Variants in MTBP observed in about 807,000 individuals in gnomAD.
MTBP encodes MDM2 binding protein, also known as mdm2-binding protein.
In MTBP, 101 loss-of-function variants were observed where a neutral mutation model predicts 117.0. The ratio of observed to expected loss-of-function variants is 0.86; its 90% confidence interval spans 0.73 to 1.02. The LOEUF (loss-of-function observed/expected upper bound fraction) is 1.02, where lower values mean the gene tolerates loss of function less well. MTBP is among the 50% of genes least tolerant of loss of function. The pLI is 0.00. For synonymous variants in MTBP, 350 were observed against 351.5 expected, an observed-to-expected ratio of 1.00 and a Z score of 0.05; for missense variants, 970 against 1,030.9, an observed-to-expected ratio of 0.94 and a Z score of 0.81.
Position 120,509,958 on chromosome 8 carries a change from A to C in MTBP, c.1908A>C (p.Pro636=), listed in dbSNP as rs750074916. ...QKGEKTFVLT[P]ELSPGKLQVL... ...GGGAAAAGACTTTTGTTTTGACACC[A>C]GAACTTAGTCCTGGGAAACTTCAGG... Residue 636 remains proline, a synonymous_variant, in exon 17 of 22, where the codon CCA becomes CCC. Coordinates refer to ENST00000305949, the MANE Select transcript of MTBP (RefSeq NM_022045.5). 1 of 1,611,922 alleles carries C rather than the reference A, an allele frequency of 6.2e-7. No homozygotes were observed.
At chr8:120,475,186 T>C (rs756566762) in intron 11 of MTBP, among the ~76,000 whole-genome samples, 21 of 151,910 alleles carry the variant, frequency 1.4e-4, no homozygotes, top group Non-Finnish European at 2.7e-4. Context: ...TTTTTCTCTT[T>C]TAGGACCTTT....
At chr8:120,466,211 CTTTT>C (rs33994178) in intron 10 of MTBP, among the ~76,000 whole-genome samples, 54 of 128,084 alleles carry the variant, frequency 4.2e-4, no homozygotes, top group Admixed American at 6.3e-4. Context: ...GTTTTTTACT[CTTTT>C]TTTTTTTTTT....
intron 13 of MTBP, among the ~76,000 whole-genome samples, chr8:120,495,541 A>G (rs1483073161): frequency 6.6e-6 from 1 of 150,612 alleles, no homozygotes; most frequent in Non-Finnish European, 1.5e-5. Flanking sequence ...TCTTCCTCCC[A>G]TTCTCTCTCT....
Position 120,523,366 on chromosome 8 carries a change from A to G in MTBP, c.*30A>G, listed in dbSNP as rs1161719633. 3 of 1,388,066 alleles carry G rather than the reference A, an allele frequency of 2.2e-6. No homozygotes were observed. The highest frequency in any genetic ancestry group is 3.0e-6 in the Non-Finnish European group (3 of 1,010,318). The allele number at this position is 1,388,066 out of a possible 1,614,324, so 86.0% of individuals were successfully genotyped here. On this transcript the variant is annotated 3_prime_UTR_variant, in exon 22 of 22. Transcript: ENST00000305949. ...TAATCATTCTCTTTAAGACAATTAT[A>G]AATTGGATGGAGCTATTATTCACTA...
At chr8:120,473,885 A>G (rs564509387) in intron 11 of MTBP, 67 of 152,220 alleles carry the variant, frequency 4.4e-4, no homozygotes, top group African/African-American at 1.4e-3. Context: ...ATATGTAGAC[A>G]TATGCAATCA....
At chr8:120,454,193 C>T (rs769504405) in intron 5 of MTBP, among the ~76,000 whole-genome samples, 1 of 152,106 alleles carries the variant, frequency 6.6e-6, no homozygotes, top group African/African-American at 2.4e-5. Flanking sequence ...CTTCCTGCTA[C>T]AGACTGTTGC....
chr8:120,468,574 T>C (rs1813748096), intron 10 of MTBP, among the ~76,000 whole-genome samples: 1 of 152,180 alleles, frequency 6.6e-6, no homozygotes, highest in Non-Finnish European at 1.5e-5. Flanking sequence ...GTGAATATGA[T>C]GGATGAGGCA....
Position 120,518,692 on chromosome 8 carries a change from G to A in MTBP, c.2497-12G>A. 1 of 1,547,556 alleles carries A rather than the reference G, an allele frequency of 6.5e-7. No individual in the cohort carries two copies. The highest frequency in any genetic ancestry group is 8.9e-7 in the Non-Finnish European group (1 of 1,125,450). On this transcript the variant is annotated splice_polypyrimidine_tract_variant and intron_variant, in intron 19 of 21. Coordinates refer to ENST00000305949, the MANE Select transcript of MTBP (RefSeq NM_022045.5). The stretch of plus-strand genomic sequence containing the variant: ...CCAAGAAATATTCGTCATATGTTAT[G>A]TTCTGTTCAAGATACTGAAAGAAGT...
chr8:120,522,817 TG>T (rs1219136996), intron 21 of MTBP, 98 bp downstream of exon 21: 1 of 853,574 alleles, frequency 1.2e-6, no homozygotes, highest in African/African-American at 1.7e-5. Flanking sequence ...AATCAGTTAC[TG>T]GTCTTTTTCA....
At chr8:120,467,059 C>T (rs940378853) in intron 10 of MTBP, among the ~76,000 whole-genome samples, 2 of 152,144 alleles carry the variant, frequency 1.3e-5, no homozygotes, top group Non-Finnish European at 1.5e-5. Context: ...CTTCAGTCAG[C>T]ATCTTAGCTT....
intron 11 of MTBP, among the ~76,000 whole-genome samples, chr8:120,477,912 C>G (rs1024814932): frequency 2.4e-4 from 37 of 152,114 alleles, no homozygotes; most frequent in African/African-American, 8.9e-4. Context: ...GGCATATACC[C>G]AAAGGATTAT....
chr8:120,462,016 G>T (rs188158751), intron 9 of MTBP, among the ~76,000 whole-genome samples: 1 of 152,184 alleles, frequency 6.6e-6, no homozygotes, highest in East Asian at 1.9e-4. Flanking sequence ...AGAACTGTTT[G>T]TAGTCTAGAA....
intron 7 of MTBP, among the ~76,000 whole-genome samples, chr8:120,458,311 G>A (rs75777083): frequency 0.014 from 2,079 of 152,276 alleles, 43 homozygotes; most frequent in African/African-American, 0.046. Context: ...TCTTGGTGCT[G>A]CAGTTGTCTT....
At chr8:120,482,481 G>T (rs945307369) in intron 11 of MTBP, among the ~76,000 whole-genome samples, 2 of 152,056 alleles carry the variant, frequency 1.3e-5, no homozygotes, top group African/African-American at 4.8e-5. Flanking sequence ...TAATGAGTAA[G>T]ATCTGGAAAT....
chr8:120,503,471 C>T (rs977395049), intron 15 of MTBP, among the ~76,000 whole-genome samples: 15 of 152,088 alleles, frequency 9.9e-5, no homozygotes, highest in Admixed American at 9.2e-4. Flanking sequence ...TGGTAGTACT[C>T]ACTTAGATGA....
At chr8:120,470,754 C>A in intron 10 of MTBP, 66 bp from the exon 11 acceptor site, 2 of 1,159,760 alleles carry the variant, frequency 1.7e-6, no homozygotes, top group Non-Finnish European at 2.5e-6. Flanking sequence ...GGAAAATTGT[C>A]AACTGGCACT....
intron 21 of MTBP, among the ~76,000 whole-genome samples, chr8:120,523,076 CTTCAT>C (rs1159987892): frequency 1.3e-5 from 2 of 152,140 alleles, no homozygotes; most frequent in African/African-American, 4.8e-5. Context: ...GGAGCAGAAT[CTTCAT>C]TTCATCCAGT....
chr8:120,491,071 A>G (rs1814335319), intron 13 of MTBP, among the ~76,000 whole-genome samples: 1 of 152,124 alleles, frequency 6.6e-6, no homozygotes, highest in South Asian at 2.1e-4. Context: ...TCTTATTCAG[A>G]AAAGAGTCAT....
intron 16 of MTBP, among the ~76,000 whole-genome samples, chr8:120,509,617 AAAAG>A (rs1016968805): frequency 6.6e-6 from 1 of 152,128 alleles, no homozygotes; most frequent in African/African-American, 2.4e-5. Context: ...CCCCCCCAAA[AAAAG>A]AAAGAAATAA....
Sources: allele counts gnomAD v4.1 joint callset (sites outside exome capture counted in the v4.1 genomes callset), GRCh38; gene constraint gnomAD v4.1.1; transcripts MANE v1.5; gene names NCBI Gene and HGNC (gene_info 2026-07-23, HGNC 2026-07-21).